TTC38: variants seen among roughly 807,000 people sequenced by gnomAD.
TTC38 encodes the protein tetratricopeptide repeat domain 38, also known as tetratricopeptide repeat protein 38.
Under a neutral mutation model 64.2 loss-of-function variants are expected in TTC38, and 64 were observed. That is an observed-to-expected ratio of 1.00 (90% CI 0.81 to 1.23). The LOEUF (loss-of-function observed/expected upper bound fraction) is 1.23, where lower values mean the gene tolerates loss of function less well. TTC38 is among the 50% of genes most tolerant of loss of function. The pLI, the probability that TTC38 is intolerant of heterozygous loss-of-function variation, is 0.00. For synonymous variants in TTC38, 254 were observed against 249.3 expected (o/e 1.02, Z -0.18); for missense variants, 573 against 615.5 (o/e 0.93, Z 0.73).
rs1329484851 is a variant in TTC38 at position 46,292,255 on chromosome 22, T to C, written c.1317-536T>C. ...TTGGAATGCAGTGGTGTGATCACAG[T>C]TCACTGTAAACTCAAACTCCTGGGC... On this transcript the variant is annotated intron_variant, in intron 13 of 13. Transcript: ENST00000381031. The surrounding 1 kb of genome is among the most constrained non-coding windows in gnomAD (Gnocchi z 6.5). 1 of 444,286 alleles carries C rather than the reference T, an allele frequency of 2.3e-6. No homozygotes were observed. 27.5% of individuals were successfully genotyped at this position (444,286 alleles called of 1,614,324 possible). A position where few individuals can be genotyped will look rare whatever the true frequency, so the allele number is the denominator to read the frequency against.
intron 6 of TTC38, chr22:46,280,085 T>G: frequency 2.1e-6 from 1 of 470,440 alleles, no homozygotes; most frequent in Admixed American, 2.4e-5. Flanking sequence ...ACTCTTTGTC[T>G]TCAACACCAG....
rs925446084 is a variant in TTC38 at position 46,268,397 on chromosome 22, G to A, written c.34-117G>A. 4.4e-6 allele frequency: 5 copies of A among 1,137,602 alleles called. No homozygotes were observed. The African/African-American group carries it at 7.8e-5, about 18-fold the overall frequency. The allele number at this position is 1,137,602 out of a possible 1,614,324, so 70.5% of individuals were successfully genotyped here. A position where few individuals can be genotyped will look rare whatever the true frequency, so the allele number is the denominator to read the frequency against. ...GGAACCGGCCCAGGACTGGGAGCCT[G>A]AGCCCATTTTACAGATGAGGAAGGT... On this transcript the variant is annotated intron_variant, in intron 1 of 13. Coordinates refer to ENST00000381031, the MANE Select transcript of TTC38 (RefSeq NM_017931.4).
At chr22:46,288,217 G>A (rs1319141237) in intron 10 of TTC38, among the ~76,000 whole-genome samples, 2 of 152,140 alleles carry the variant, frequency 1.3e-5, no homozygotes, top group African/African-American at 2.4e-5. Context: ...TCCTACTTAC[G>A]CGTCTATGGC....
At chr22:46,289,310 C>T (rs1165876887) in intron 11 of TTC38, 92 bp from the exon 12 acceptor site, 3 of 1,490,634 alleles carry the variant, frequency 2.0e-6, no homozygotes, top group Non-Finnish European at 2.7e-6. Context: ...AGGCACTGGA[C>T]CAGGGACACC....
Position 46,273,026 on chromosome 22 carries a change from A to G in TTC38, c.193+610A>G, listed in dbSNP as rs569637824. Among the ~76,000 whole-genome samples, 3 of 152,326 alleles carry G rather than the reference A, an allele frequency of 2.0e-5. No homozygotes were observed. The highest frequency in any genetic ancestry group is 7.2e-5 in the African/African-American group (3 of 41,578). The stretch of plus-strand genomic sequence containing the variant: ...GGGACAGGGCTCTTGTCAGTGCGGC[A>G]GGGACACCCTTCTCACCCTGCTGCA... On this transcript the variant is annotated intron_variant, in intron 3 of 13. Coordinates refer to ENST00000381031, the MANE Select transcript of TTC38 (RefSeq NM_017931.4). This position sits in a 1 kb window ranked among gnomAD's most constrained non-coding sequence, Gnocchi z 5.1.
rs1391868155 is a variant in TTC38 at position 46,273,673 on chromosome 22, C to T, written c.194-225C>T. Among the ~76,000 whole-genome samples the T allele has an allele frequency of 6.6e-6, 1 of 152,208 alleles. No individual in the cohort carries two copies. On this transcript the variant is annotated intron_variant, in intron 3 of 13. Transcript: ENST00000381031. This position sits in a 1 kb window ranked among gnomAD's most constrained non-coding sequence, Gnocchi z 5.1. ...ACACTGGCACTCAGCAGAATGCCCT[C>T]ACTAGAAAAATGTTCAAGGGTGCCT...
Position 46,274,074 on chromosome 22 carries a change from G to A in TTC38, c.365+5G>A. 6.2e-7 allele frequency: 1 copy of A among 1,613,620 alleles called. No homozygotes were observed. The highest frequency in any genetic ancestry group is 1.3e-5 in the African/African-American group (1 of 74,984). On this transcript the variant is annotated splice_donor_5th_base_variant and intron_variant, in intron 4 of 13. Coordinates refer to ENST00000381031, the MANE Select transcript of TTC38 (RefSeq NM_017931.4). This position sits in a 1 kb window ranked among gnomAD's most constrained non-coding sequence, Gnocchi z 4.8. The stretch of plus-strand genomic sequence containing the variant: ...AGTAGAGACATTTGCCAATGGGTGA[G>A]GGGCCTCCCTGGGCTGGGAGCTGGC...
rs992844693 is a variant in TTC38, at chr22:46,292,082, T to G, written c.1317-709T>G. ...GCTGGGTTCAGTTTCTGCTGAGGCC[T>G]CTCTTCCTGGCTTGTGGACAGCCAC... On this transcript the variant is annotated intron_variant, in intron 13 of 13. Coordinates refer to ENST00000381031, the MANE Select transcript of TTC38 (RefSeq NM_017931.4). The surrounding 1 kb of genome is among the most constrained non-coding windows in gnomAD (Gnocchi z 6.5). 3.0e-6 allele frequency: 1 copy of G among 335,126 alleles called. No homozygotes were observed. The highest frequency in any genetic ancestry group is 5.8e-6 in the Non-Finnish European group (1 of 171,508). 20.8% of individuals were successfully genotyped at this position (335,126 alleles called of 1,614,324 possible).
rs900620160 is a variant in TTC38, at chr22:46,281,266, A to G, written c.616-333A>G. On this transcript the variant is annotated intron_variant, in intron 6 of 13. Transcript: ENST00000381031. This position sits in a 1 kb window ranked among gnomAD's most constrained non-coding sequence, Gnocchi z 5.2. ...CCAGAGAGGGCGGGTATGTTTTGCA[A>G]GCACCTCAGCTGTATGCAGAATGCT... is the stretch of plus-strand genomic sequence containing the variant. Among the ~76,000 whole-genome samples, 2 of 152,260 alleles carry G rather than the reference A, an allele frequency of 1.3e-5. No individual in the cohort carries two copies. The highest frequency in any genetic ancestry group is 4.8e-5 in the African/African-American group (2 of 41,466).
Position 46,275,205 on chromosome 22 carries a change from A to C in TTC38, c.366-43A>C, listed in dbSNP as rs1220679394. 3.2e-6 allele frequency: 5 copies of C among 1,578,632 alleles called. No individual in the cohort carries two copies. The highest frequency in any genetic ancestry group is 4.3e-6 in the Non-Finnish European group (5 of 1,155,034). ...CCTCTTACACTCCCTGTGTGGGTGGACTATGTGTTCAGCGTTGGTGAGAAA... is the reference window on the plus strand; with the variant it reads ...CCTCTTACACTCCCTGTGTGGGTGGCCTATGTGTTCAGCGTTGGTGAGAAA... On this transcript the variant is annotated intron_variant, in intron 4 of 13. Coordinates refer to ENST00000381031, the MANE Select transcript of TTC38 (RefSeq NM_017931.4). This position sits in a 1 kb window ranked among gnomAD's most constrained non-coding sequence, Gnocchi z 4.5.
At chr22:46,280,126 G>T (rs944306533) in intron 6 of TTC38, 1 of 471,242 alleles carries the variant, frequency 2.1e-6, no homozygotes, top group Admixed American at 2.3e-5. Flanking sequence ...GGCAGGAAAA[G>T]CAGGCTGTGA....
chr22:46,280,187 GT>G (rs1569020335), intron 6 of TTC38: 1 of 471,248 alleles, frequency 2.1e-6, no homozygotes. Context: ...CCCCAGGCTG[GT>G]GAGGGTAGGA....
Position 46,285,222 on chromosome 22 carries a change from G to A in TTC38, c.796-19G>A, listed in dbSNP as rs2077563031. The A allele has an allele frequency of 6.2e-7, 1 of 1,613,712 alleles. No homozygotes were observed. The highest frequency in any genetic ancestry group is 1.7e-5 in the Admixed American group (1 of 60,000). ...TTTGCCTTCTCCAGGGTTTAATAAG[G>A]AGAACTTTATTCTTCCAGGGCGAAT... On this transcript the variant is annotated intron_variant, in intron 8 of 13. Transcript: ENST00000381031.
intron 5 of TTC38, among the ~76,000 whole-genome samples, chr22:46,278,243 G>T (rs763469403): frequency 1.3e-5 from 2 of 152,186 alleles, no homozygotes; most frequent in Non-Finnish European, 2.9e-5. Context: ...AGCCTCAGGG[G>T]TGGGTCCTTC....
rs185119679 is a variant in TTC38 at position 46,282,094 on chromosome 22, G to A, written c.735+376G>A. On this transcript the variant is annotated intron_variant, in intron 7 of 13. Transcript: ENST00000381031. The surrounding 1 kb of genome is among the most constrained non-coding windows in gnomAD (Gnocchi z 4.4). ...CTCAACTGGGCTTGGGGGGACAGTG[G>A]CTAGGGAAGGCATCCTGGAGGGGGC... The A allele has an allele frequency of 6.0e-4, 250 of 415,778 alleles. No individual in the cohort carries two copies. Among genetic ancestry groups the A allele is most frequent in the African/African-American group, 5.0e-3 (244 of 48,632 alleles). The allele number at this position is 415,778 out of a possible 1,614,324, so 25.8% of individuals were successfully genotyped here.
intron 8 of TTC38, 79 bp from the exon 9 acceptor site, chr22:46,285,162 C>A: frequency 7.5e-7 from 1 of 1,324,870 alleles, no homozygotes; most frequent in Non-Finnish European, 1.1e-6. Context: ...GGGTCTTTGG[C>A]CTGGCCGTTC....
In TTC38 at chr22:46,281,455, G is replaced by T; in HGVS notation, c.616-144G>T. ...GCAGGAAGTGGTGCTAATTGTCAGT[G>T]TTTTGAGTCAGAGCCCCGCCCCCCC... is the stretch of plus-strand genomic sequence containing the variant. On this transcript the variant is annotated intron_variant, in intron 6 of 13. Coordinates refer to ENST00000381031, the MANE Select transcript of TTC38 (RefSeq NM_017931.4). The surrounding 1 kb of genome is among the most constrained non-coding windows in gnomAD (Gnocchi z 5.2). The T allele has an allele frequency of 1.1e-6, 1 of 917,940 alleles. No individual in the cohort carries two copies. Among genetic ancestry groups the T allele is most frequent in the East Asian group, 2.5e-5 (1 of 40,604 alleles). 56.9% of individuals were successfully genotyped at this position (917,940 alleles called of 1,614,324 possible).
rs1936880758 is a variant in TTC38 at position 46,270,903 on chromosome 22, T to C, written c.112-1432T>C. Reference sequence around the variant, plus strand: ...TGTAATCCCAGCTACTAAGGAGGGATTCTCCTACCAAGGCAGGAGAATTGC... The same window carrying C: ...TGTAATCCCAGCTACTAAGGAGGGACTCTCCTACCAAGGCAGGAGAATTGC... On this transcript the variant is annotated intron_variant, in intron 2 of 13. Coordinates refer to ENST00000381031, the MANE Select transcript of TTC38 (RefSeq NM_017931.4). The surrounding 1 kb of genome is among the most constrained non-coding windows in gnomAD (Gnocchi z 4.7). 6.6e-6 allele frequency among the ~76,000 whole-genome samples: 1 copy of C among 150,376 alleles called. No homozygotes were observed. The highest frequency in any genetic ancestry group is 1.5e-5 in the Non-Finnish European group (1 of 67,718).
rs2077614079 is a variant in TTC38, at chr22:46,291,380, T to TG, written c.1317-1406dup. ...CGATGTGGCCTTCTGCGGGGCCCAG[T>TG]GGGGGAGGGCAGGGGGAGAGCAGGC... On this transcript the variant is annotated intron_variant, in intron 13 of 13. Coordinates refer to ENST00000381031, the MANE Select transcript of TTC38 (RefSeq NM_017931.4). This position sits in a 1 kb window ranked among gnomAD's most constrained non-coding sequence, Gnocchi z 4.6. Among the ~76,000 whole-genome samples, 1 of 150,396 alleles carries TG rather than the reference T, an allele frequency of 6.6e-6. No individual in the cohort carries two copies. Among genetic ancestry groups the TG allele is most frequent in the Non-Finnish European group, 1.5e-5 (1 of 67,440 alleles).
Sources: allele counts gnomAD v4.1 joint callset (sites outside exome capture counted in the v4.1 genomes callset), GRCh38; gene constraint gnomAD v4.1.1; non-coding constraint Gnocchi (gnomAD v3.1); transcripts MANE v1.5; gene names NCBI Gene and HGNC (gene_info 2026-07-23, HGNC 2026-07-21).